FGGY: variants seen among roughly 807,000 people sequenced by gnomAD.
The protein encoded by FGGY is FGGY carbohydrate kinase domain-containing protein.
In FGGY, 72 loss-of-function variants were observed where a neutral mutation model predicts 71.3. The observed-to-expected ratio is 1.01, with a 90% confidence interval of 0.84 to 1.23. The LOEUF (loss-of-function observed/expected upper bound fraction) is 1.23. Ranked by LOEUF, FGGY falls within the 50% of genes most tolerant of loss-of-function variation. The probability of loss-of-function intolerance (pLI) is 0.00; values close to 1 mark genes in which losing one functional copy is unlikely to be tolerated. For synonymous variants in FGGY, 251 were observed against 250.3 expected (o/e 1.00, Z -0.02); for missense variants, 668 against 682.3 (o/e 0.98, Z 0.23).
chr1:59,539,856 A>T (rs2095412736), intron 7 of FGGY, among the ~76,000 whole-genome samples: 1 of 152,232 alleles, frequency 6.6e-6, no homozygotes, highest in East Asian at 1.9e-4. Flanking sequence ...ATAACAAAAG[A>T]TGTGTATCCA....
At chr1:59,587,153 G>C (rs913689050) in intron 8 of FGGY, among the ~76,000 whole-genome samples, 1 of 152,242 alleles carries the variant, frequency 6.6e-6, no homozygotes, top group African/African-American at 2.4e-5. Flanking sequence ...TCCCGCACCT[G>C]GCTTGGAGGG....
At chr1:59,337,371 C>A (rs1004689418) in intron 2 of FGGY, among the ~76,000 whole-genome samples, 3 of 152,092 alleles carry the variant, frequency 2.0e-5, no homozygotes, top group Non-Finnish European at 4.4e-5. Flanking sequence ...GGTAAGCAAT[C>A]TGAGTATCCC....
At chr1:59,435,745 CGTGTGT>C (rs10563712) in intron 5 of FGGY, among the ~76,000 whole-genome samples, 16,821 of 142,238 alleles carry the variant, frequency 0.12, 1,115 homozygotes, top group East Asian at 0.17. Flanking sequence ...TGTGTGCCTG[CGTGTGT>C]GTGTGTGTGT....
chr1:59,514,955 G>A (rs531613395), intron 7 of FGGY, among the ~76,000 whole-genome samples: 18 of 152,304 alleles, frequency 1.2e-4, no homozygotes, highest in Non-Finnish European at 1.9e-4. Flanking sequence ...TGAAAATGTG[G>A]ACACAACTTT....
intron 12 of FGGY, among the ~76,000 whole-genome samples, chr1:59,666,381 A>G: frequency 6.6e-6 from 1 of 152,084 alleles, no homozygotes; most frequent in Middle Eastern, 3.2e-3. Context: ...ATCACAGTTC[A>G]TCTTTTTGTT....
Position 59,592,692 on chromosome 1 carries a change from A to T in FGGY, c.904-15111A>T, listed in dbSNP as rs909253296. ...CAGTAAACTATAGCAAGAACAAAAG[A>T]CCAAACACCGCATATTCTCACTCAT... is the stretch of plus-strand genomic sequence containing the variant. On this transcript the variant is annotated intron_variant, in intron 8 of 15. Coordinates refer to ENST00000303721, the MANE Select transcript of FGGY (RefSeq NM_018291.5). Among the ~76,000 whole-genome samples the T allele has an allele frequency of 1.1e-4, 17 of 151,342 alleles. No individual in the cohort carries two copies. In the East Asian group the frequency reaches 3.1e-3, roughly 28 times the overall value.
chr1:59,641,419 G>A, intron 11 of FGGY: 3 of 1,294,420 alleles, frequency 2.3e-6, no homozygotes, highest in Non-Finnish European at 3.3e-6. Flanking sequence ...CCTGCTATGT[G>A]CAGGCCTGTG....
intron 4 of FGGY, among the ~76,000 whole-genome samples, chr1:59,352,232 G>C (rs1311904586): frequency 6.6e-6 from 1 of 152,138 alleles, no homozygotes; most frequent in African/African-American, 2.4e-5. Flanking sequence ...GGTTAACAAG[G>C]TGCAGACTGA....
At chr1:59,482,834 G>C (rs2093536770) in intron 6 of FGGY, among the ~76,000 whole-genome samples, 1 of 151,960 alleles carries the variant, frequency 6.6e-6, no homozygotes. Flanking sequence ...TACAAAAGTT[G>C]ATCTTCAGAT....
chr1:59,399,002 A>G (rs1364919711), intron 5 of FGGY, among the ~76,000 whole-genome samples: 4 of 152,180 alleles, frequency 2.6e-5, no homozygotes, highest in African/African-American at 9.7e-5. Context: ...TTAGAATCAT[A>G]TGTTATTGGA....
chr1:59,742,602 C>T (rs940302891), intron 14 of FGGY, among the ~76,000 whole-genome samples: 4 of 152,248 alleles, frequency 2.6e-5, no homozygotes, highest in African/African-American at 9.6e-5. Flanking sequence ...AACATCTTCA[C>T]TTAAAGGGCT....
chr1:59,518,590 C>T (rs980701252), intron 7 of FGGY, among the ~76,000 whole-genome samples: 3 of 152,118 alleles, frequency 2.0e-5, no homozygotes, highest in Non-Finnish European at 4.4e-5. Flanking sequence ...TGAATGGTTT[C>T]GCATCATCCC....
At chr1:59,633,706 A>G (rs1006379733) in intron 10 of FGGY, among the ~76,000 whole-genome samples, 2 of 152,176 alleles carry the variant, frequency 1.3e-5, no homozygotes, top group African/African-American at 4.8e-5. Context: ...GCATTTGAAG[A>G]GTGGTTGGAT....
intron 6 of FGGY, among the ~76,000 whole-genome samples, chr1:59,503,296 C>T (rs1229177266): frequency 6.6e-6 from 1 of 152,084 alleles, no homozygotes; most frequent in Non-Finnish European, 1.5e-5. Context: ...AGAGCAGTGA[C>T]TAAAAGCTCA....
At position 59,378,855 on chromosome 1, in the gene FGGY, T is replaced by G. The variant is rs1237847549; in HGVS notation, c.554+18T>G. ...ACAGCACGGTATGTTAATTACAAGTTGGATTGTGTTTGCGTTCTTCCATTC... is the reference window on the plus strand; with the variant it reads ...ACAGCACGGTATGTTAATTACAAGTGGGATTGTGTTTGCGTTCTTCCATTC... On this transcript the variant is annotated intron_variant, in intron 5 of 15. Transcript: ENST00000303721. 3 of 1,600,696 alleles carry G rather than the reference T, an allele frequency of 1.9e-6. No homozygotes were observed. In the African/African-American group the frequency reaches 4.0e-5, roughly 21 times the overall value.
At chr1:59,368,892 C>G (rs979152779) in intron 4 of FGGY, among the ~76,000 whole-genome samples, 6 of 151,938 alleles carry the variant, frequency 3.9e-5, no homozygotes, top group African/African-American at 1.5e-4. Context: ...GAGTTCACGA[C>G]CAGCCTGGCC....
intron 14 of FGGY, among the ~76,000 whole-genome samples, chr1:59,694,287 T>A (rs1453244941): frequency 7.0e-6 from 1 of 143,754 alleles, no homozygotes; most frequent in Admixed American, 7.0e-5. Flanking sequence ...AGACTCCGTC[T>A]TAAATAAATA....
Position 59,611,815 on chromosome 1 carries a change from G to C in FGGY, c.1011+3905G>C, listed in dbSNP as rs185856737. On this transcript the variant is annotated intron_variant, in intron 9 of 15. Coordinates refer to ENST00000303721, the MANE Select transcript of FGGY (RefSeq NM_018291.5). ...AGATAAGTCCTTAAAGGACCTGATG[G>C]AGCTGAAAACCATGGCACGAGAACT... is the stretch of plus-strand genomic sequence containing the variant. 1.6e-4 allele frequency among the ~76,000 whole-genome samples: 24 copies of C among 152,276 alleles called. No individual in the cohort carries two copies. In the East Asian group the frequency reaches 4.6e-3, roughly 29 times the overall value.
chr1:59,551,436 C>T (rs373201177), intron 7 of FGGY, among the ~76,000 whole-genome samples: 4 of 152,264 alleles, frequency 2.6e-5, no homozygotes, highest in African/African-American at 9.6e-5. Context: ...TATGTTTATG[C>T]AACCAGTAAA....
Sources: gnomAD v4.1 joint callset for allele counts (sites outside exome capture counted in the v4.1 genomes callset) on GRCh38, gnomAD v4.1.1 for gene constraint, MANE v1.5 for transcripts, NCBI Gene and HGNC (gene_info 2026-07-23, HGNC 2026-07-21) for gene names.